Variants in COG5 observed in about 807,000 individuals in gnomAD.
The protein encoded by COG5 is component of oligomeric golgi complex 5.
COG5 carries 86 observed loss-of-function variants against 110.4 expected under a neutral mutation model. The ratio of observed to expected loss-of-function variants is 0.78; its 90% confidence interval spans 0.65 to 0.93. The LOEUF (loss-of-function observed/expected upper bound fraction) is 0.93. COG5 is among the 40% of genes least tolerant of loss of function. The pLI is 0.00. For missense variants in COG5, 1,077 were observed against 987.0 expected (o/e 1.09, Z -1.22); for synonymous variants, 360 against 334.6 (o/e 1.08, Z -0.83).
intron 10 of COG5, among the ~76,000 whole-genome samples, chr7:107,355,489 T>C (rs1812544339): frequency 1.3e-5 from 2 of 152,206 alleles, no homozygotes; most frequent in African/African-American, 4.8e-5. Context: ...TACAGTAGCT[T>C]TATTCATAAC....
At chr7:107,423,591 G>C (rs1464227766) in intron 6 of COG5, among the ~76,000 whole-genome samples, 2 of 150,862 alleles carry the variant, frequency 1.3e-5, no homozygotes, top group Non-Finnish European at 2.9e-5. Context: ...TATCCCTCAA[G>C]AGATATACAC....
chr7:107,394,922 G>A (rs1790879847), intron 7 of COG5, among the ~76,000 whole-genome samples: 4 of 151,772 alleles, frequency 2.6e-5, no homozygotes, highest in Admixed American at 2.6e-4. Context: ...TAAGTGTTTC[G>A]TCTATAAAAG....
chr7:107,459,104 T>C (rs1795838782), intron 6 of COG5, among the ~76,000 whole-genome samples: 1 of 151,862 alleles, frequency 6.6e-6, no homozygotes, highest in African/African-American at 2.4e-5. Flanking sequence ...ACCCTAACCA[T>C]ATGAAAATTA....
At position 107,391,989 on chromosome 7, in the gene COG5, G is replaced by A. The variant is rs1790657284; in HGVS notation, c.670-19229C>T. 2.0e-5 allele frequency among the ~76,000 whole-genome samples: 3 copies of A among 152,182 alleles called. 1 individual carries two copies. The South Asian group carries it at 6.2e-4, about 32-fold the overall frequency. ...ACCTGTAGTCCCAGCTACTTGGGAG[G>A]CTGAGGCAGGAGAAATGCTTGAACC... On this transcript the variant is annotated intron_variant, in intron 7 of 21. Coordinates refer to ENST00000297135, the MANE Select transcript of COG5 (RefSeq NM_006348.5).
At position 107,342,332 on chromosome 7, in the gene COG5, T is replaced by C. The variant is rs547258185; in HGVS notation, c.1027-17811A>G. ...AACCACAATGAGATAACAGTCAGAATAGCTATTATAAAAGAGTCAAAACAA... is the reference window on the plus strand; with the variant it reads ...AACCACAATGAGATAACAGTCAGAACAGCTATTATAAAAGAGTCAAAACAA... On this transcript the variant is annotated intron_variant, in intron 10 of 21. Transcript: ENST00000297135. Among the ~76,000 whole-genome samples, 421 of 129,768 alleles carry C rather than the reference T, an allele frequency of 3.2e-3. 3 individuals carry two copies. The highest frequency in any genetic ancestry group is 0.011 in the African/African-American group (392 of 34,236). The allele number at this position is 129,768 out of a possible 152,430, so 85.1% of individuals were successfully genotyped here.
At chr7:107,323,012 A>G (rs962686339) in intron 11 of COG5, among the ~76,000 whole-genome samples, 7 of 152,218 alleles carry the variant, frequency 4.6e-5, no homozygotes, top group East Asian at 1.9e-4. Context: ...GATAAACTGC[A>G]AAAGTACATA....
intron 14 of COG5, among the ~76,000 whole-genome samples, 192 bp downstream of exon 14, chr7:107,281,108 G>A (rs1364262127): frequency 6.6e-6 from 1 of 151,994 alleles, no homozygotes. Context: ...TATTGACAAT[G>A]TGTAGGAGGG....
intron 3 of COG5, among the ~76,000 whole-genome samples, chr7:107,550,300 C>T (rs1322084343): frequency 1.3e-5 from 2 of 151,478 alleles, no homozygotes; most frequent in Admixed American, 6.6e-5. Flanking sequence ...ATTCTAATAG[C>T]TTCCAAACCA....
chr7:107,332,440 T>C (rs1810335905), intron 10 of COG5, among the ~76,000 whole-genome samples: 1 of 152,186 alleles, frequency 6.6e-6, no homozygotes, highest in African/African-American at 2.4e-5. Context: ...CACTGTCCTA[T>C]ACTTGGGTTC....
At chr7:107,241,705 G>T (rs571844083) in intron 17 of COG5, among the ~76,000 whole-genome samples, 1 of 152,216 alleles carries the variant, frequency 6.6e-6, no homozygotes, top group South Asian at 2.1e-4. Flanking sequence ...GCCCGTCTCG[G>T]CCTCCCAAAG....
chr7:107,537,539 T>C (rs1189451707), intron 5 of COG5, among the ~76,000 whole-genome samples: 1 of 151,410 alleles, frequency 6.6e-6, no homozygotes, highest in Non-Finnish European at 1.5e-5. Flanking sequence ...AGCTGAACAA[T>C]GAATACATGG....
intron 10 of COG5, among the ~76,000 whole-genome samples, chr7:107,350,121 T>G (rs1312935266): frequency 6.6e-6 from 1 of 152,228 alleles, no homozygotes; most frequent in Non-Finnish European, 1.5e-5. Context: ...TGTTCCTGCA[T>G]GTATTGAGAG....
chr7:107,435,722 G>T (rs1794326154), intron 6 of COG5, among the ~76,000 whole-genome samples: 1 of 152,172 alleles, frequency 6.6e-6, no homozygotes, highest in Non-Finnish European at 1.5e-5. Context: ...TGCAGTTTCT[G>T]TGGAAAATGG....
chr7:107,309,193 TTC>T (rs995254212), intron 11 of COG5, among the ~76,000 whole-genome samples: 2 of 152,114 alleles, frequency 1.3e-5, no homozygotes, highest in South Asian at 2.1e-4. Flanking sequence ...TGCATCTTCA[TTC>T]TCTCATGCTG....
intron 10 of COG5, among the ~76,000 whole-genome samples, chr7:107,355,431 T>C (rs1328352353): frequency 6.6e-6 from 1 of 152,098 alleles, no homozygotes; most frequent in African/African-American, 2.4e-5. Flanking sequence ...CCAAAAGAGA[T>C]GAAAATGCAA....
intron 6 of COG5, among the ~76,000 whole-genome samples, chr7:107,460,859 A>C (rs1795947897): frequency 6.6e-6 from 1 of 152,136 alleles, no homozygotes; most frequent in African/African-American, 2.4e-5. Context: ...AGCAACTTTT[A>C]AATGTAAACT....
At chr7:107,237,232 C>A (rs953825314) in intron 17 of COG5, among the ~76,000 whole-genome samples, 1 of 152,200 alleles carries the variant, frequency 6.6e-6, no homozygotes, top group Admixed American at 6.5e-5. Flanking sequence ...ACATGGCATG[C>A]AGTTTTTTCC....
At chr7:107,299,806 T>G (rs1226382752) in intron 11 of COG5, among the ~76,000 whole-genome samples, 1 of 139,776 alleles carries the variant, frequency 7.2e-6, no homozygotes, top group Non-Finnish European at 1.5e-5. Context: ...AGGAGATCTA[T>G]GTCAGAAATT....
intron 6 of COG5, among the ~76,000 whole-genome samples, chr7:107,451,007 T>C (rs1442726214): frequency 6.6e-6 from 1 of 152,176 alleles, no homozygotes; most frequent in African/African-American, 2.4e-5. Flanking sequence ...TCATTACATA[T>C]GGTACTCTAT....
Sources: allele counts gnomAD v4.1 joint callset (sites outside exome capture counted in the v4.1 genomes callset), GRCh38; gene constraint gnomAD v4.1.1; transcripts MANE v1.5; gene names NCBI Gene and HGNC (gene_info 2026-07-23, HGNC 2026-07-21).